The following ANKIB1 variants were observed in gnomAD, a reference collection of about 807,000 sequenced individuals.
ANKIB1 encodes ankyrin repeat and IBR domain-containing protein 1.
In ANKIB1, 43 loss-of-function variants were observed where a neutral mutation model predicts 122.1. That is an observed-to-expected ratio of 0.35 (90% CI 0.28 to 0.45). The LOEUF is 0.45. Ranked by LOEUF, ANKIB1 falls within the 20% of genes least tolerant of loss-of-function variation. The pLI, the probability that ANKIB1 is intolerant of heterozygous loss-of-function variation, is 1.00. For synonymous variants in ANKIB1, 390 were observed against 442.0 expected, an observed-to-expected ratio of 0.88 and a Z score of 1.48; for missense variants, 992 against 1,329.5, an observed-to-expected ratio of 0.75 and a Z score of 3.95.
intron 7 of ANKIB1, 136 bp downstream of exon 7, chr7:92,345,202 T>C (rs955409475): frequency 9.9e-6 from 6 of 607,718 alleles, no homozygotes; most frequent in African/African-American, 9.5e-5. Context: ...GAATTTAGAC[T>C]TTACTAGTAA....
At chr7:92,396,546 T>A in intron 18 of ANKIB1, 70 bp downstream of exon 18, 1 of 767,342 alleles carries the variant, frequency 1.3e-6, no homozygotes, top group Non-Finnish European at 2.2e-6. Context: ...CTGGCTGATG[T>A]AAATTTTTGT....
chr7:92,398,116 A>G, intron 19 of ANKIB1, 96 bp from the exon 20 acceptor site: 3 of 1,294,052 alleles, frequency 2.3e-6, no homozygotes, highest in South Asian at 1.8e-5. Flanking sequence ...AATAAAATTA[A>G]TAATCTGTTG....
chr7:92,263,204 A>G (rs1432705919), intron 1 of ANKIB1, among the ~76,000 whole-genome samples: 1 of 152,194 alleles, frequency 6.6e-6, no homozygotes, highest in African/African-American at 2.4e-5. Context: ...AAGCTTTATT[A>G]TTAAATATGT....
intron 5 of ANKIB1, among the ~76,000 whole-genome samples, chr7:92,340,219 A>G (rs560555569): frequency 2.0e-5 from 3 of 152,280 alleles, no homozygotes; most frequent in East Asian, 1.9e-4. Flanking sequence ...CTTGGGTCTA[A>G]GTAAGACTAC....
chr7:92,371,448 T>G, intron 10 of ANKIB1, 29 bp from the exon 11 acceptor site: 1 of 1,583,452 alleles, frequency 6.3e-7, no homozygotes, highest in Non-Finnish European at 8.6e-7. Context: ...AAATCATTTA[T>G]TTTTGTGATT....
At chr7:92,257,337 TTAGA>T (rs1226426630) in intron 1 of ANKIB1, among the ~76,000 whole-genome samples, 1 of 152,218 alleles carries the variant, frequency 6.6e-6, no homozygotes, top group Non-Finnish European at 1.5e-5. Flanking sequence ...TGCCATGTCA[TTAGA>T]TAGCTAGATA....
intron 9 of ANKIB1, 33 bp downstream of exon 9, chr7:92,352,675 C>T: frequency 1.3e-6 from 2 of 1,571,644 alleles, no homozygotes; most frequent in Middle Eastern, 3.4e-4. Flanking sequence ...TCAGCCTAAT[C>T]ACCTTTCTTT....
At chr7:92,316,068 A>G (rs907935224) in intron 3 of ANKIB1, among the ~76,000 whole-genome samples, 1 of 152,188 alleles carries the variant, frequency 6.6e-6, no homozygotes, top group Non-Finnish European at 1.5e-5. Flanking sequence ...AAGGCAGAAT[A>G]GAAGAACAGA....
At chr7:92,327,955 T>A (rs1803063085) in intron 5 of ANKIB1, 55 bp downstream of exon 5, 2 of 1,234,678 alleles carry the variant, frequency 1.6e-6, no homozygotes, top group Non-Finnish European at 2.2e-6. Flanking sequence ...TTGAAACTTC[T>A]GAGTTTTTAA....
rs183036256 is a variant in ANKIB1 at position 92,388,152 on chromosome 7, C to T, written c.1906+111C>T. The T allele has an allele frequency of 2.0e-4, 211 of 1,057,646 alleles. No individual in the cohort carries two copies. The East Asian group carries it at 4.3e-3, about 22-fold the overall frequency. The allele number at this position is 1,057,646 out of a possible 1,614,324, so 65.5% of individuals were successfully genotyped here. ...AATACATTATGTTCATTAGCTTGTT[C>T]TGGTACTGTTTTGAGTTCTTTGAAG... On this transcript the variant is annotated intron_variant, in intron 14 of 19. Coordinates refer to ENST00000265742, the MANE Select transcript of ANKIB1 (RefSeq NM_019004.2).
intron 17 of ANKIB1, among the ~76,000 whole-genome samples, chr7:92,393,245 T>A (rs1267174980): frequency 6.6e-6 from 1 of 152,056 alleles, no homozygotes; most frequent in Non-Finnish European, 1.5e-5. Flanking sequence ...ACCTGTGGCT[T>A]TTGTATTGGT....
Position 92,327,889 on chromosome 7 carries a change from T to C in ANKIB1, c.776T>C (p.Leu259Pro). The stretch of plus-strand genomic sequence containing the variant: ...CCTCTCTTTACTGCTGAAGCTTTAC[T>C]TCGAGCTCATGGTAATGAAAGAAAT... ...QAPLFTAEAL[L>P]RAHDWDREKL... The change falls in exon 5 of 20, where the codon CTT becomes CCT. Residue 259 changes from leucine (L) to proline (P), a missense_variant. Leu to Pro is a moderately conservative substitution (Grantham distance 98). This residue lies in a region of ANKIB1 where 521 missense variants were observed against 777.7 expected (regional missense o/e 0.67). Coordinates refer to ENST00000265742, the MANE Select transcript of ANKIB1 (RefSeq NM_019004.2). 1.3e-6 allele frequency: 2 copies of C among 1,579,974 alleles called. No individual in the cohort carries two copies. The highest frequency in any genetic ancestry group is 1.4e-5 in the African/African-American group (1 of 73,046).
chr7:92,322,973 A>C lies in ANKIB1; in HGVS notation c.669+3461A>C, dbSNP rs889657058. On this transcript the variant is annotated intron_variant, in intron 4 of 19. Transcript: ENST00000265742. ...AAATGAAGTTAACAGTCCCTACCTC[A>C]TAAGGTTATAGTGATCCTTAATGAG... is the stretch of plus-strand genomic sequence containing the variant. 1.2e-4 allele frequency among the ~76,000 whole-genome samples: 19 copies of C among 152,290 alleles called. 1 individual carries two copies. The highest frequency in any genetic ancestry group is 3.8e-4 in the African/African-American group (16 of 41,568).
rs763104016 is a variant in ANKIB1, at chr7:92,246,450, A to G, written c.-160A>G. On this transcript the variant is annotated 5_prime_UTR_variant, in exon 1 of 20. Transcript: ENST00000265742. ...AGGTCACCAGCTCGGCTGTAGAGGC[A>G]GGGGCGGCGGAGGCGGAACTGCGGA... is the stretch of plus-strand genomic sequence containing the variant. The G allele has an allele frequency of 5.0e-5, 26 of 517,758 alleles. No homozygotes were observed. Among genetic ancestry groups the G allele is most frequent in the Non-Finnish European group, 9.6e-5 (25 of 259,672 alleles). The allele number at this position is 517,758 out of a possible 1,614,324, so 32.1% of individuals were successfully genotyped here.
At chr7:92,393,950 T>TA (rs1201639805) in intron 17 of ANKIB1, among the ~76,000 whole-genome samples, 9 of 152,112 alleles carry the variant, frequency 5.9e-5, no homozygotes, top group African/African-American at 2.2e-4. Context: ...AGATTGAACT[T>TA]ATATTTTTTT....
At chr7:92,378,962 G>T (rs879574599) in intron 11 of ANKIB1, among the ~76,000 whole-genome samples, 15 of 152,236 alleles carry the variant, frequency 9.9e-5, no homozygotes, top group Non-Finnish European at 1.9e-4. Flanking sequence ...AATTTAACAA[G>T]AAATATGCAA....
chr7:92,388,987 G>A (rs561697967), intron 14 of ANKIB1, among the ~76,000 whole-genome samples: 2 of 152,310 alleles, frequency 1.3e-5, no homozygotes, highest in East Asian at 1.9e-4. Context: ...AAGTCGTACA[G>A]CTCTTCAGCA....
intron 1 of ANKIB1, among the ~76,000 whole-genome samples, chr7:92,292,537 C>T (rs958816555): frequency 1.3e-5 from 2 of 151,882 alleles, no homozygotes; most frequent in Non-Finnish European, 2.9e-5. Context: ...TTAATCTAAT[C>T]CAGAACTTTG....
chr7:92,358,293 CTT>C, intron 9 of ANKIB1, among the ~76,000 whole-genome samples: 1 of 152,246 alleles, frequency 6.6e-6, no homozygotes, highest in Non-Finnish European at 1.5e-5. Context: ...CATGCTGTTA[CTT>C]CTTTTTTTAT....
Sources: allele counts gnomAD v4.1 joint callset (sites outside exome capture counted in the v4.1 genomes callset), GRCh38; gene constraint gnomAD v4.1.1; regional missense constraint gnomAD v4.1.1; transcripts MANE v1.5; gene names NCBI Gene and HGNC (gene_info 2026-07-23, HGNC 2026-07-21).